Variants in ASTN2 observed in about 807,000 individuals in gnomAD.
The protein encoded by ASTN2 is astrotactin-2.
Under a neutral mutation model 139.8 loss-of-function variants are expected in ASTN2, and 54 were observed. That is an observed-to-expected ratio of 0.39 (90% CI 0.31 to 0.48). The LOEUF (loss-of-function observed/expected upper bound fraction) is 0.48. Among genes scored for constraint, ASTN2 ranks in the 20% least tolerant of loss-of-function variants. The pLI, the probability that ASTN2 is intolerant of heterozygous loss-of-function variation, is 0.95. For synonymous variants in ASTN2, 756 were observed against 719.5 expected, an observed-to-expected ratio of 1.05 and a Z score of -0.81; for missense variants, 1,565 against 1,725.1, an observed-to-expected ratio of 0.91 and a Z score of 1.64.
At chr9:116,880,690 C>T (rs1833429778) in intron 10 of ASTN2, among the ~76,000 whole-genome samples, 1 of 152,108 alleles carries the variant, frequency 6.6e-6, no homozygotes, top group African/African-American at 2.4e-5. Context: ...ACTGGCTCTT[C>T]TGTGTCTCCC....
chr9:116,688,642 C>T (rs940045855), intron 16 of ASTN2, among the ~76,000 whole-genome samples: 1 of 152,040 alleles, frequency 6.6e-6, no homozygotes. Flanking sequence ...ACCGGTCCCC[C>T]GGCCCACTGA....
rs536586635 is a variant in ASTN2 at position 116,919,570 on chromosome 9, CA to C, written c.1889+55637del. ...ATTTTTCATCCTTGCTTCTTAAAAA[CA>C]ACAAGGTCCCTCCTCCTCTGATGAC... On this transcript the variant is annotated intron_variant, in intron 10 of 22. Coordinates refer to ENST00000313400, the MANE Select transcript of ASTN2 (RefSeq NM_001365068.1). Among the ~76,000 whole-genome samples, 59 of 151,582 alleles carry C rather than the reference CA, an allele frequency of 3.9e-4. 1 individual carries two copies. In the South Asian group the frequency reaches 9.0e-3, roughly 23 times the overall value.
At chr9:117,122,212 G>T (rs1829575767) in intron 4 of ASTN2, among the ~76,000 whole-genome samples, 1 of 152,192 alleles carries the variant, frequency 6.6e-6, no homozygotes, top group African/African-American at 2.4e-5. Context: ...GCTATTGGAT[G>T]CTATCAAGAA....
intron 11 of ASTN2, among the ~76,000 whole-genome samples, chr9:116,836,065 TTC>T (rs1444340114): frequency 3.9e-5 from 6 of 152,264 alleles, no homozygotes; most frequent in Middle Eastern, 3.4e-3. Flanking sequence ...CCATGTGGCC[TTC>T]TCTGATACCC....
chr9:116,555,166 A>G (rs1852545313), intron 19 of ASTN2, among the ~76,000 whole-genome samples: 1 of 152,308 alleles, frequency 6.6e-6, no homozygotes, highest in Non-Finnish European at 1.5e-5. Flanking sequence ...TAGAGACTGA[A>G]AAGGCTAAAG....
intron 16 of ASTN2, among the ~76,000 whole-genome samples, chr9:116,676,939 C>T (rs1004543580): frequency 6.6e-6 from 1 of 152,172 alleles, no homozygotes; most frequent in Non-Finnish European, 1.5e-5. Context: ...AAACTACTTA[C>T]CATGTCTTTG....
At chr9:117,209,941 AT>A (rs1258245055) in intron 3 of ASTN2, among the ~76,000 whole-genome samples, 1 of 152,166 alleles carries the variant, frequency 6.6e-6, no homozygotes, top group Non-Finnish European at 1.5e-5. Flanking sequence ...ATTAAATAAG[AT>A]GCTCCTGAAT....
intron 19 of ASTN2, among the ~76,000 whole-genome samples, chr9:116,511,106 T>C (rs899854760): frequency 6.6e-6 from 1 of 152,192 alleles, no homozygotes; most frequent in African/African-American, 2.4e-5. Flanking sequence ...TGCTTCCATT[T>C]TTTGCCCATT....
chr9:116,876,491 C>T (rs1833302664), intron 10 of ASTN2, among the ~76,000 whole-genome samples: 1 of 152,184 alleles, frequency 6.6e-6, no homozygotes, highest in Non-Finnish European at 1.5e-5. Context: ...AAAAAATTCA[C>T]TTTCAAAAAG....
chr9:117,288,858 G>T (rs960756838), intron 2 of ASTN2, among the ~76,000 whole-genome samples: 3 of 152,116 alleles, frequency 2.0e-5, no homozygotes, highest in Non-Finnish European at 2.9e-5. Context: ...TAATAAATCA[G>T]CACATCTCAA....
intron 13 of ASTN2, among the ~76,000 whole-genome samples, chr9:116,741,773 C>T (rs1177672223): frequency 6.6e-6 from 1 of 152,190 alleles, no homozygotes; most frequent in African/African-American, 2.4e-5. Context: ...TAAATTGATG[C>T]TAACACTGGT....
intron 7 of ASTN2, among the ~76,000 whole-genome samples, chr9:116,988,396 T>G (rs527869595): frequency 6.6e-6 from 1 of 152,302 alleles, no homozygotes; most frequent in African/African-American, 2.4e-5. Flanking sequence ...GCTGGTGGCT[T>G]TCCTGACCAT....
chr9:117,362,538 G>A (rs763558233), intron 1 of ASTN2, among the ~76,000 whole-genome samples: 3 of 152,100 alleles, frequency 2.0e-5, no homozygotes, highest in Non-Finnish European at 4.4e-5. Flanking sequence ...AACAGTGGGT[G>A]AGGGGGTCCT....
chr9:116,450,355 C>T (rs1848136335), intron 20 of ASTN2, among the ~76,000 whole-genome samples: 1 of 152,140 alleles, frequency 6.6e-6, no homozygotes, highest in Admixed American at 6.5e-5. Context: ...TTTGAAAGTA[C>T]TGAATGTAGT....
intron 19 of ASTN2, among the ~76,000 whole-genome samples, chr9:116,565,470 C>A (rs1853184570): frequency 7.0e-6 from 1 of 143,726 alleles, no homozygotes; most frequent in Non-Finnish European, 1.5e-5. Context: ...CTTCATCACC[C>A]AGGCTGGAGT....
intron 3 of ASTN2, chr9:117,181,243 G>T (rs1831058122): frequency 5.4e-6 from 3 of 550,748 alleles, no homozygotes; most frequent in African/African-American, 1.9e-5. Flanking sequence ...CAATGTATAA[G>T]CTGAGAATGC....
At chr9:116,513,152 C>G (rs1420619069) in intron 19 of ASTN2, among the ~76,000 whole-genome samples, 1 of 151,966 alleles carries the variant, frequency 6.6e-6, no homozygotes, top group Non-Finnish European at 1.5e-5. Flanking sequence ...CTGTTCCTTT[C>G]CATGTTTAGT....
intron 20 of ASTN2, among the ~76,000 whole-genome samples, chr9:116,481,354 C>A (rs1217397393): frequency 6.6e-6 from 1 of 152,106 alleles, no homozygotes; most frequent in Admixed American, 6.5e-5. Flanking sequence ...CCCTCCAGAA[C>A]CTCAGTGACA....
At chr9:117,180,558 C>T in intron 3 of ASTN2, 1 of 719,538 alleles carries the variant, frequency 1.4e-6, no homozygotes, top group Non-Finnish European at 2.3e-6. Context: ...TTTCAGCACA[C>T]TCACAGCAAT....
Sources: gnomAD v4.1 joint callset for allele counts (sites outside exome capture counted in the v4.1 genomes callset) on GRCh38, gnomAD v4.1.1 for gene constraint, MANE v1.5 for transcripts, NCBI Gene and HGNC (gene_info 2026-07-23, HGNC 2026-07-21) for gene names.